PTPRM: variants seen among roughly 807,000 people sequenced by gnomAD.
PTPRM encodes protein tyrosine phosphatase receptor type M.
Under a neutral mutation model 186.7 loss-of-function variants are expected in PTPRM, and 47 were observed. The ratio of observed to expected loss-of-function variants is 0.25; its 90% CI spans 0.20 to 0.32. PTPRM has a LOEUF of 0.32. Ranked by LOEUF, PTPRM falls within the 10% of genes least tolerant of loss-of-function variation. The pLI is 1.00. For synonymous variants in PTPRM, 668 were observed against 674.9 expected (o/e 0.99, Z 0.16); for missense variants, 1,494 against 1,865.0 (o/e 0.80, Z 3.66).
At chr18:7,657,859 A>G (rs1367553875) in intron 1 of PTPRM, among the ~76,000 whole-genome samples, 4 of 152,232 alleles carry the variant, frequency 2.6e-5, no homozygotes, top group African/African-American at 9.6e-5. Context: ...TCCTGGGGGA[A>G]GAACATTGTG....
At position 7,675,808 on chromosome 18, in the gene PTPRM, C is replaced by T. The variant is rs996667646; in HGVS notation, c.74-98341C>T. Among the ~76,000 whole-genome samples, 6 of 151,370 alleles carry T rather than the reference C, an allele frequency of 4.0e-5. 1 individual carries two copies. The highest frequency in any genetic ancestry group is 7.4e-5 in the Non-Finnish European group (5 of 67,970). ...AGAGTGCAATGGCATGGTCTCGGCT[C>T]ACTGCAACCTCTGCCTCCCGGGTTC... is the stretch of plus-strand genomic sequence containing the variant. On this transcript the variant is annotated intron_variant, in intron 1 of 32. Transcript: ENST00000580170.
chr18:7,742,486 G>A (rs1292936974), intron 1 of PTPRM, among the ~76,000 whole-genome samples: 1 of 152,092 alleles, frequency 6.6e-6, no homozygotes, highest in Admixed American at 6.5e-5. Flanking sequence ...TTTATTTATA[G>A]TGCCAGGAAA....
At position 8,340,558 on chromosome 18, in the gene PTPRM, C is replaced by T. The variant is rs1489466748; in HGVS notation, c.2957-2865C>T. Among the ~76,000 whole-genome samples, 37 of 152,144 alleles carry T rather than the reference C, an allele frequency of 2.4e-4. 2 individuals are homozygous for T. Among genetic ancestry groups the T allele is most frequent in the Admixed American group, 2.4e-3 (36 of 15,276 alleles). On this transcript the variant is annotated intron_variant, in intron 22 of 32. Transcript: ENST00000580170. ...CAGGCCATCTTAACTGATGCCCAGC[C>T]GCAGAGGTGAGGTGGCATGGTCATG...
intron 1 of PTPRM, among the ~76,000 whole-genome samples, chr18:7,616,560 G>T (rs1938071126): frequency 6.6e-6 from 1 of 152,132 alleles, no homozygotes; most frequent in Admixed American, 6.5e-5. Flanking sequence ...CTAGCTGAGT[G>T]TTGCTGGTTC....
intron 19 of PTPRM, among the ~76,000 whole-genome samples, chr18:8,259,512 C>G (rs533006124): frequency 2.0e-5 from 3 of 150,672 alleles, no homozygotes; most frequent in Non-Finnish European, 4.4e-5. Flanking sequence ...ATCCTTCCCC[C>G]GTTTTCTAAG....
At chr18:7,780,239 C>T (rs1474593305) in intron 2 of PTPRM, among the ~76,000 whole-genome samples, 7 of 152,266 alleles carry the variant, frequency 4.6e-5, no homozygotes, top group African/African-American at 1.7e-4. Flanking sequence ...ATTTGGTTCT[C>T]GTGATGGGCC....
intron 13 of PTPRM, among the ~76,000 whole-genome samples, chr18:8,130,391 A>C (rs946832616): frequency 6.6e-6 from 1 of 152,216 alleles, no homozygotes; most frequent in African/African-American, 2.4e-5. Context: ...AGCATGGTGC[A>C]TCTTCTGGGA....
rs1024122271 is a variant in PTPRM, at chr18:8,286,159, C to T, written c.2755-10209C>T. Reference sequence around the variant, plus strand: ...AAGACCTCGTGAGTTGCTGCTGAGTCCTCCTGACTGCCTTTGTCACTTGCC... The same window carrying T: ...AAGACCTCGTGAGTTGCTGCTGAGTTCTCCTGACTGCCTTTGTCACTTGCC... On this transcript the variant is annotated intron_variant, in intron 19 of 32. Coordinates refer to ENST00000580170, the MANE Select transcript of PTPRM (RefSeq NM_001105244.2). 5.9e-5 allele frequency among the ~76,000 whole-genome samples: 9 copies of T among 152,180 alleles called. No individual in the cohort carries two copies. In the South Asian group the frequency reaches 8.3e-4, roughly 14 times the overall value.
At chr18:8,357,148 T>A (rs931877868) in intron 23 of PTPRM, among the ~76,000 whole-genome samples, 2 of 152,192 alleles carry the variant, frequency 1.3e-5, no homozygotes, top group Admixed American at 6.5e-5. Context: ...TGTCACTCCC[T>A]TGGGAGAGAG....
intron 1 of PTPRM, among the ~76,000 whole-genome samples, chr18:7,698,615 T>G (rs1334851620): frequency 1.3e-5 from 2 of 152,222 alleles, no homozygotes; most frequent in Admixed American, 6.5e-5. Context: ...TTTCTGAGTA[T>G]ATATCTAGAA....
chr18:7,783,772 GTA>G (rs1491215447), intron 2 of PTPRM, among the ~76,000 whole-genome samples: 1 of 150,850 alleles, frequency 6.6e-6, no homozygotes, highest in Non-Finnish European at 1.5e-5. Flanking sequence ...GTGTGTGTGT[GTA>G]TGTGTGTGTG....
intron 9 of PTPRM, among the ~76,000 whole-genome samples, chr18:8,081,050 A>G (rs968005791): frequency 4.6e-5 from 7 of 152,154 alleles, no homozygotes; most frequent in African/African-American, 1.2e-4. Context: ...TTAAACCTCA[A>G]TTAGAGGATG....
chr18:7,937,623 T>C (rs945341154), intron 5 of PTPRM, among the ~76,000 whole-genome samples: 2 of 152,264 alleles, frequency 1.3e-5, no homozygotes, highest in Non-Finnish European at 2.9e-5. Context: ...CAGAGGTTTC[T>C]GGCTGGCGAA....
At chr18:7,784,092 T>C (rs2042986278) in intron 2 of PTPRM, among the ~76,000 whole-genome samples, 1 of 152,056 alleles carries the variant, frequency 6.6e-6, no homozygotes, top group Non-Finnish European at 1.5e-5. Flanking sequence ...CACTGTATTC[T>C]CCTTCTGCCT....
intron 7 of PTPRM, among the ~76,000 whole-genome samples, chr18:8,014,614 G>T (rs56941238): frequency 7.2e-5 from 11 of 152,168 alleles, no homozygotes; most frequent in African/African-American, 2.4e-4. Flanking sequence ...CTAAGGAATA[G>T]TGTACAAAAT....
intron 1 of PTPRM, among the ~76,000 whole-genome samples, chr18:7,720,215 G>T (rs1009309287): frequency 6.6e-6 from 1 of 152,150 alleles, no homozygotes; most frequent in Non-Finnish European, 1.5e-5. Context: ...TGAGCTTGAT[G>T]ATTTGATTCT....
chr18:8,111,594 C>T (rs1033325526), intron 11 of PTPRM, among the ~76,000 whole-genome samples: 2 of 147,268 alleles, frequency 1.4e-5, no homozygotes, highest in African/African-American at 5.1e-5. Flanking sequence ...GCCTGGGTGA[C>T]AGAGGGAGAC....
At chr18:8,304,361 T>C (rs1414207247) in intron 20 of PTPRM, among the ~76,000 whole-genome samples, 2 of 152,170 alleles carry the variant, frequency 1.3e-5, no homozygotes, top group Non-Finnish European at 1.5e-5. Context: ...TGCATGCCTA[T>C]GTACACGGGG....
At chr18:8,190,545 C>T (rs996494130) in intron 14 of PTPRM, among the ~76,000 whole-genome samples, 3 of 152,132 alleles carry the variant, frequency 2.0e-5, no homozygotes, top group Non-Finnish European at 4.4e-5. Flanking sequence ...TTCAGAAAGA[C>T]AGAGATAATA....
Sources: gnomAD v4.1 joint callset for allele counts (sites outside exome capture counted in the v4.1 genomes callset) on GRCh38, gnomAD v4.1.1 for gene constraint, MANE v1.5 for transcripts, NCBI Gene and HGNC (gene_info 2026-07-23, HGNC 2026-07-21) for gene names.